The following MED15 variants were observed in gnomAD, a reference collection of about 807,000 sequenced individuals.
MED15 encodes the protein mediator complex subunit 15.
Under a neutral mutation model 118.7 loss-of-function variants are expected in MED15, and 41 were observed. The observed-to-expected ratio is 0.35, with a 90% CI of 0.27 to 0.45. The LOEUF is 0.45. Ranked by LOEUF, MED15 falls within the 20% of genes least tolerant of loss-of-function variation. The pLI, the probability that MED15 is intolerant of heterozygous loss-of-function variation, is 1.00. For missense variants in MED15, 740 were observed against 1,025.5 expected (o/e 0.72, Z 3.80); for synonymous variants, 436 against 413.9 (o/e 1.05, Z -0.65).
intron 1 of MED15, among the ~76,000 whole-genome samples, chr22:20,531,307 G>C (rs2054854129): frequency 1.3e-5 from 2 of 152,236 alleles, no homozygotes; most frequent in Non-Finnish European, 2.9e-5. Context: ...ACAGGCCCAT[G>C]CTGGGCAGAA....
chr22:20,561,468 C>A (rs1468567802), intron 5 of MED15, among the ~76,000 whole-genome samples: 3 of 151,168 alleles, frequency 2.0e-5, no homozygotes, highest in African/African-American at 7.3e-5. Flanking sequence ...TGCAGTGAAC[C>A]GAGATCACGC....
chr22:20,538,287 G>A (rs989095446), intron 2 of MED15, among the ~76,000 whole-genome samples: 4 of 151,924 alleles, frequency 2.6e-5, no homozygotes, highest in African/African-American at 9.7e-5. Context: ...GTCTCACTCT[G>A]TACCCAGGCT....
intron 2 of MED15, among the ~76,000 whole-genome samples, chr22:20,539,500 A>G (rs1376015809): frequency 1.3e-5 from 2 of 152,224 alleles, no homozygotes; most frequent in Admixed American, 6.5e-5. Flanking sequence ...GGACATTTAC[A>G]TAGTTTCTAC....
intron 1 of MED15, among the ~76,000 whole-genome samples, chr22:20,530,761 T>A (rs2054828323): frequency 6.6e-6 from 1 of 152,060 alleles, no homozygotes; most frequent in African/African-American, 2.4e-5. Context: ...GTGTCCTTCT[T>A]GCGGGCGGTG....
At chr22:20,511,495 A>G (rs1246962995) in intron 1 of MED15, among the ~76,000 whole-genome samples, 3 of 133,516 alleles carry the variant, frequency 2.2e-5, no homozygotes, top group Non-Finnish European at 4.7e-5. Flanking sequence ...CTTCTCAAAA[A>G]AAGAAAAAAA....
At chr22:20,570,738 CTTTCTTTCTTTTTTTTTTTTTTTTTT>C (rs1241043031) in intron 8 of MED15, among the ~76,000 whole-genome samples, 1 of 90,988 alleles carries the variant, frequency 1.1e-5, no homozygotes, top group Non-Finnish European at 2.1e-5. Flanking sequence ...TTCTTTCTTT[CTTTCTTTCTTTTTTTTTTTTTTTTTT>C]TTTTTTTTTT....
chr22:20,585,694 G>C, intron 16 of MED15, 34 bp from the exon 17 acceptor site: 1 of 1,600,910 alleles, frequency 6.2e-7, no homozygotes, highest in Non-Finnish European at 8.5e-7. Context: ...GCCGGGGCTT[G>C]TCCAGGTCAC....
At chr22:20,550,654 G>A (rs1427128084) in intron 2 of MED15, among the ~76,000 whole-genome samples, 1 of 152,260 alleles carries the variant, frequency 6.6e-6, no homozygotes, top group African/African-American at 2.4e-5. Flanking sequence ...AGACAAGGAT[G>A]CTTCTCTGAA....
chr22:20,581,071 C>T (rs2056965725), intron 9 of MED15, among the ~76,000 whole-genome samples: 1 of 152,186 alleles, frequency 6.6e-6, no homozygotes, highest in Non-Finnish European at 1.5e-5. Flanking sequence ...GGACCTCTGA[C>T]CCAGCTGTGC....
In MED15 at chr22:20,508,163, G is replaced by A; in HGVS notation, c.68+417G>A. On this transcript the variant is annotated intron_variant, in intron 1 of 17. Coordinates refer to ENST00000263205, the MANE Select transcript of MED15 (RefSeq NM_001003891.3). ...GCATCAACGGTGAAAGAAAGTGATG[G>A]GAGGAGGGTGGATGTAAGATGAGAT... is the stretch of plus-strand genomic sequence containing the variant. 22 of 1,216,068 alleles carry A rather than the reference G, an allele frequency of 1.8e-5. No individual in the cohort carries two copies. The South Asian group carries it at 2.5e-4, about 14-fold the overall frequency. 75.3% of individuals were successfully genotyped at this position (1,216,068 alleles called of 1,614,324 possible).
chr22:20,548,669 A>G (rs2055651057), intron 2 of MED15, among the ~76,000 whole-genome samples: 1 of 152,196 alleles, frequency 6.6e-6, no homozygotes, highest in Non-Finnish European at 1.5e-5. Flanking sequence ...CAGGTCTTAT[A>G]TAAAAGGTGT....
In MED15 at chr22:20,586,916, C is replaced by T. The variant is rs560763394; in HGVS notation, c.*212C>T. ...AGCGGGTTGCTTGGGGGGCGTTGGC[C>T]GACTTCTTAGAGAAGGCCCTCCATG... On this transcript the variant is annotated 3_prime_UTR_variant, in exon 18 of 18. Coordinates refer to ENST00000263205, the MANE Select transcript of MED15 (RefSeq NM_001003891.3). The T allele has an allele frequency of 1.7e-5, 12 of 699,892 alleles. No individual in the cohort carries two copies. The highest frequency in any genetic ancestry group is 1.3e-4 in the South Asian group (6 of 45,692). The allele number at this position is 699,892 out of a possible 1,614,324, so 43.4% of individuals were successfully genotyped here. A position where few individuals can be genotyped will look rare whatever the true frequency, so the allele number is the denominator to read the frequency against.
chr22:20,541,043 A>T (rs1180257033), intron 2 of MED15, among the ~76,000 whole-genome samples: 1 of 152,138 alleles, frequency 6.6e-6, no homozygotes, highest in African/African-American at 2.4e-5. Flanking sequence ...CCTGGCTAAC[A>T]TGGTGAAACC....
At chr22:20,529,028 G>A (rs945004416) in intron 1 of MED15, among the ~76,000 whole-genome samples, 15 of 152,236 alleles carry the variant, frequency 9.9e-5, no homozygotes, top group African/African-American at 3.6e-4. Context: ...CTGGGTGGGC[G>A]CACCCCCTCC....
chr22:20,539,152 G>A (rs2055192736), intron 2 of MED15, among the ~76,000 whole-genome samples: 1 of 152,154 alleles, frequency 6.6e-6, no homozygotes, highest in Admixed American at 6.6e-5. Flanking sequence ...AGGCTGGAGT[G>A]CAATGGCACG....
intron 1 of MED15, among the ~76,000 whole-genome samples, chr22:20,511,484 C>G (rs1333602916): frequency 7.0e-6 from 1 of 142,094 alleles, no homozygotes; most frequent in African/African-American, 2.8e-5. Context: ...AGAGCAAGAC[C>G]CTTCTCAAAA....
At chr22:20,565,901 G>T (rs1328986531) in intron 6 of MED15, among the ~76,000 whole-genome samples, 7 of 152,132 alleles carry the variant, frequency 4.6e-5, no homozygotes, top group African/African-American at 1.7e-4. Flanking sequence ...CAGAGCCCAG[G>T]CACACACTTG....
At chr22:20,563,126 A>C (rs2056307691) in intron 5 of MED15, among the ~76,000 whole-genome samples, 1 of 152,208 alleles carries the variant, frequency 6.6e-6, no homozygotes, top group African/African-American at 2.4e-5. Context: ...TCACTCATAT[A>C]TTGCTGGTGA....
chr22:20,573,032 A>G (rs917596379), intron 8 of MED15, among the ~76,000 whole-genome samples: 12 of 150,888 alleles, frequency 8.0e-5, no homozygotes, highest in Non-Finnish European at 1.3e-4. Context: ...GCAATGGTAC[A>G]GTCTCAGCTC....
Sources: gnomAD v4.1 joint callset for allele counts (sites outside exome capture counted in the v4.1 genomes callset) on GRCh38, gnomAD v4.1.1 for gene constraint, MANE v1.5 for transcripts, NCBI Gene and HGNC (gene_info 2026-07-23, HGNC 2026-07-21) for gene names.